The following ADAMTS17 variants were observed in gnomAD, a reference collection of about 807,000 sequenced individuals.
The protein encoded by ADAMTS17 is ADAM metallopeptidase with thrombospondin type 1 motif 17, also known as A disintegrin and metalloproteinase with thrombospondin motifs 17.
Under a neutral mutation model 141.5 loss-of-function variants are expected in ADAMTS17, and 113 were observed. The ratio of observed to expected loss-of-function variants is 0.80; its 90% CI spans 0.69 to 0.93. ADAMTS17 has a LOEUF of 0.93. Among genes scored for constraint, ADAMTS17 ranks in the 40% least tolerant of loss-of-function variants. ADAMTS17 has a pLI of 0.00. For missense variants in ADAMTS17, 1,659 were observed against 1,517.9 expected (o/e 1.09, Z -1.54); for synonymous variants, 768 against 630.6 (o/e 1.22, Z -3.27).
chr15:100,027,738 C>T (rs1009424117), intron 18 of ADAMTS17, among the ~76,000 whole-genome samples: 1 of 152,238 alleles, frequency 6.6e-6, no homozygotes, highest in African/African-American at 2.4e-5. Flanking sequence ...ACAGCGTCCT[C>T]AGCTCTTGTC....
At chr15:99,976,389 C>T in intron 20 of ADAMTS17, 167 bp from the exon 21 acceptor site, 1 of 900,634 alleles carries the variant, frequency 1.1e-6, no homozygotes. Flanking sequence ...GACAGGACAG[C>T]CTGAGTGGGG....
chr15:100,058,884 AC>A (rs2032880050), intron 15 of ADAMTS17, among the ~76,000 whole-genome samples: 1 of 152,220 alleles, frequency 6.6e-6, no homozygotes, highest in Admixed American at 6.5e-5. Flanking sequence ...TGACGGACAA[AC>A]CCAGGCAAGC....
At chr15:100,057,096 A>G (rs1244674595) in intron 15 of ADAMTS17, among the ~76,000 whole-genome samples, 1 of 152,052 alleles carries the variant, frequency 6.6e-6, no homozygotes, top group African/African-American at 2.4e-5. Context: ...TGATCCTCAG[A>G]GGCCAGGACT....
intron 10 of ADAMTS17, among the ~76,000 whole-genome samples, chr15:100,147,724 G>A (rs1340683522): frequency 3.9e-5 from 6 of 152,160 alleles, no homozygotes; most frequent in Admixed American, 3.3e-4. Context: ...TTGTACGAAT[G>A]TCATACCTTT....
chr15:99,992,944 T>C, intron 20 of ADAMTS17, 104 bp downstream of exon 20: 1 of 1,451,642 alleles, frequency 6.9e-7, no homozygotes, highest in Non-Finnish European at 9.5e-7. Context: ...CTAGTTACGC[T>C]GGGACTGCCG....
intron 7 of ADAMTS17, among the ~76,000 whole-genome samples, chr15:100,216,631 A>G (rs1190310300): frequency 1.3e-5 from 2 of 152,274 alleles, no homozygotes; most frequent in Admixed American, 1.3e-4. Flanking sequence ...AGACAAGCTC[A>G]CGGAACCCTT....
At position 100,297,702 on chromosome 15, in the gene ADAMTS17, G is replaced by A. The variant is rs546350138; in HGVS notation, c.617-16301C>T. Among the ~76,000 whole-genome samples, 10 of 152,284 alleles carry A rather than the reference G, an allele frequency of 6.6e-5. 1 individual carries two copies. In the South Asian group the frequency reaches 2.1e-3, roughly 32 times the overall value. ...GCTTTAGAAGCATCCAGGTGGAGAT[G>A]TCAGGCTGGCTGCTGGCTGTGCGGA... On this transcript the variant is annotated intron_variant, in intron 3 of 21. Transcript: ENST00000268070.
intron 7 of ADAMTS17, among the ~76,000 whole-genome samples, chr15:100,215,595 G>C (rs2041945673): frequency 6.6e-6 from 1 of 152,064 alleles, no homozygotes; most frequent in Admixed American, 6.6e-5. Context: ...TTGGCCTTCT[G>C]GCTGATAGTC....
chr15:100,123,392 C>G (rs899055459), intron 12 of ADAMTS17, among the ~76,000 whole-genome samples: 1 of 152,182 alleles, frequency 6.6e-6, no homozygotes, highest in Non-Finnish European at 1.5e-5. Flanking sequence ...TTATCCCTTC[C>G]CAGGAGCTGA....
intron 10 of ADAMTS17, among the ~76,000 whole-genome samples, chr15:100,142,834 T>G (rs956901785): frequency 1.3e-5 from 2 of 152,214 alleles, no homozygotes; most frequent in South Asian, 2.1e-4. Context: ...ATAACCAGTC[T>G]AGATCCTGTC....
chr15:100,313,176 G>A (rs1350184120), intron 3 of ADAMTS17, among the ~76,000 whole-genome samples: 1 of 152,108 alleles, frequency 6.6e-6, no homozygotes, highest in African/African-American at 2.4e-5. Flanking sequence ...TCTTTTCATG[G>A]AGCTATAATA....
intron 4 of ADAMTS17, among the ~76,000 whole-genome samples, chr15:100,279,420 C>T (rs567524309): frequency 3.9e-5 from 6 of 152,228 alleles, no homozygotes; most frequent in South Asian, 2.1e-4. Flanking sequence ...CTGCAGATTC[C>T]GGGAATAGGC....
intron 4 of ADAMTS17, among the ~76,000 whole-genome samples, chr15:100,272,758 T>C (rs573300634): frequency 1.3e-5 from 2 of 151,280 alleles, no homozygotes; most frequent in Non-Finnish European, 1.5e-5. Context: ...AAGCAGGCAC[T>C]CTTGCCTTGT....
At chr15:100,281,695 C>T (rs1328694660) in intron 3 of ADAMTS17, among the ~76,000 whole-genome samples, 1 of 152,174 alleles carries the variant, frequency 6.6e-6, no homozygotes, top group African/African-American at 2.4e-5. Flanking sequence ...AGAAAACCCA[C>T]CCCTTTAGAG....
intron 6 of ADAMTS17, among the ~76,000 whole-genome samples, chr15:100,260,543 C>T (rs1041502006): frequency 4.0e-4 from 60 of 151,352 alleles, no homozygotes; most frequent in Non-Finnish European, 2.2e-4. Context: ...GAACCCAGGA[C>T]GCAGAGGTTG....
intron 15 of ADAMTS17, among the ~76,000 whole-genome samples, chr15:100,073,070 A>G (rs1045499640): frequency 5.9e-5 from 9 of 152,282 alleles, no homozygotes; most frequent in African/African-American, 1.9e-4. Context: ...CTACAAGAAA[A>G]AAACAAACAG....
Position 100,053,881 on chromosome 15 carries a change from A to G in ADAMTS17, c.2295+16T>C. ...GCCACACCCCCTAAGACAAGTGTGG[A>G]AGCCCAGCAAGTTACCATCAAGTGC... On this transcript the variant is annotated intron_variant, in intron 16 of 21. Coordinates refer to ENST00000268070, the MANE Select transcript of ADAMTS17 (RefSeq NM_139057.4). The G allele has an allele frequency of 6.2e-7, 1 of 1,614,190 alleles. No homozygotes were observed. Among genetic ancestry groups the G allele is most frequent in the East Asian group, 2.2e-5 (1 of 44,884 alleles).
chr15:100,254,236 G>A, intron 6 of ADAMTS17, 57 bp from the exon 7 acceptor site: 1 of 1,499,802 alleles, frequency 6.7e-7, no homozygotes, highest in Non-Finnish European at 9.3e-7. Flanking sequence ...AATGGGAGAA[G>A]AAAACACTGT....
chr15:100,330,842 G>A lies in ADAMTS17; in HGVS notation c.616+47C>T. The A allele has an allele frequency of 2.5e-6, 4 of 1,606,132 alleles. No individual in the cohort carries two copies. In the African/African-American group the frequency reaches 5.3e-5, roughly 21 times the overall value. On this transcript the variant is annotated intron_variant, in intron 3 of 21. Transcript: ENST00000268070. The stretch of plus-strand genomic sequence containing the variant: ...GCACTTGGAGACACACAAAGGATGT[G>A]GGCTGTGCGTGTGTTCTAAGCTGGT...
Sources: gnomAD v4.1 joint callset for allele counts (sites outside exome capture counted in the v4.1 genomes callset) on GRCh38, gnomAD v4.1.1 for gene constraint, MANE v1.5 for transcripts, NCBI Gene and HGNC (gene_info 2026-07-23, HGNC 2026-07-21) for gene names.